Variants in CCDC174 observed in about 807,000 individuals in gnomAD.
CCDC174 encodes the protein coiled-coil domain containing 174, also known as coiled-coil domain-containing protein 174.
CCDC174 carries 37 observed loss-of-function variants against 57.1 expected under a neutral mutation model. The ratio of observed to expected loss-of-function variants is 0.65; its 90% CI spans 0.50 to 0.85. The LOEUF is 0.85. Ranked by LOEUF, CCDC174 falls within the 40% of genes least tolerant of loss-of-function variation. The pLI is 0.00. For synonymous variants in CCDC174, 182 were observed against 190.2 expected (o/e 0.96, Z 0.35); for missense variants, 540 against 574.3 (o/e 0.94, Z 0.61).
intron 9 of CCDC174, among the ~76,000 whole-genome samples, chr3:14,669,197 G>A (rs1306762568): frequency 1.3e-5 from 2 of 152,180 alleles, no homozygotes; most frequent in East Asian, 1.9e-4. Flanking sequence ...GGAGGAGTGT[G>A]GGTATGAAGG....
At chr3:14,658,578 A>G (rs1218000238) in intron 3 of CCDC174, among the ~76,000 whole-genome samples, 1 of 152,214 alleles carries the variant, frequency 6.6e-6, no homozygotes, top group Non-Finnish European at 1.5e-5. Context: ...TCATTCATCA[A>G]ATATTGATTG....
chr3:14,670,305 G>T (rs557327892), intron 10 of CCDC174, among the ~76,000 whole-genome samples: 3 of 152,300 alleles, frequency 2.0e-5, no homozygotes, highest in East Asian at 1.9e-4. Flanking sequence ...GTTGAAAATG[G>T]TCTACATGCC....
At position 14,667,597 on chromosome 3, in the gene CCDC174, A is replaced by G. The variant is rs1324464073; in HGVS notation, c.819+79A>G. ...GCTGGACCATACTGCAGAAAAATCT[A>G]GTAAATTAGTTAGAAATTAAAATTG... On this transcript the variant is annotated intron_variant, in intron 8 of 10. Transcript: ENST00000383794. 4.9e-6 allele frequency: 5 copies of G among 1,018,404 alleles called. No individual in the cohort carries two copies. The East Asian group carries it at 9.6e-5, about 20-fold the overall frequency. 63.1% of individuals were successfully genotyped at this position (1,018,404 alleles called of 1,614,324 possible).
chr3:14,655,182 G>A (rs1314538231), intron 2 of CCDC174, among the ~76,000 whole-genome samples: 3 of 152,036 alleles, frequency 2.0e-5, no homozygotes, highest in East Asian at 1.9e-4. Flanking sequence ...ATGGTGGTGC[G>A]CACCTGTATT....
At chr3:14,655,488 A>T in intron 2 of CCDC174, 41 bp from the exon 3 acceptor site, 1 of 1,330,434 alleles carries the variant, frequency 7.5e-7, no homozygotes, top group Non-Finnish European at 1.1e-6. Context: ...ATTTTTTGGC[A>T]ATCATGTGGT....
chr3:14,652,485 T>C (rs2030804899), intron 1 of CCDC174, among the ~76,000 whole-genome samples: 1 of 152,256 alleles, frequency 6.6e-6, no homozygotes, highest in African/African-American at 2.4e-5. Flanking sequence ...GCACTTTATA[T>C]GCACTATCTC....
At chr3:14,667,321 C>T (rs1163753571) in intron 7 of CCDC174, 103 bp from the exon 8 acceptor site, 2 of 870,490 alleles carry the variant, frequency 2.3e-6, no homozygotes, top group South Asian at 1.6e-5. Context: ...AAACTTGTGC[C>T]AAATATCACT....
At chr3:14,653,129 T>C (rs925661008) in intron 1 of CCDC174, among the ~76,000 whole-genome samples, 1 of 152,192 alleles carries the variant, frequency 6.6e-6, no homozygotes, top group Admixed American at 6.5e-5. Context: ...TTGGTTAAAA[T>C]TGGTACCAGT....
At chr3:14,664,056 A>G (rs1467524209) in intron 5 of CCDC174, among the ~76,000 whole-genome samples, 1 of 115,570 alleles carries the variant, frequency 8.7e-6, no homozygotes, top group South Asian at 2.3e-4. Flanking sequence ...TTTGGGGGGA[A>G]AAAAAGGAAG....
chr3:14,664,478 G>T (rs1334349807), intron 5 of CCDC174, among the ~76,000 whole-genome samples: 1 of 152,216 alleles, frequency 6.6e-6, no homozygotes, highest in Non-Finnish European at 1.5e-5. Context: ...GAGCAAAGAT[G>T]AGGAGAGAGG....
At chr3:14,670,270 T>A (rs1049526939) in intron 10 of CCDC174, among the ~76,000 whole-genome samples, 184 bp downstream of exon 10, 2 of 152,234 alleles carry the variant, frequency 1.3e-5, no homozygotes, top group African/African-American at 4.8e-5. Flanking sequence ...ATATGCTCTG[T>A]TTTTAGCAGC....
chr3:14,662,684 G>T (rs2124840618), intron 5 of CCDC174, among the ~76,000 whole-genome samples: 1 of 152,246 alleles, frequency 6.6e-6, no homozygotes, highest in East Asian at 1.9e-4. Flanking sequence ...TCCTTTCAAG[G>T]CTCAAATGTC....
chr3:14,656,596 T>C (rs2030968222), intron 3 of CCDC174, among the ~76,000 whole-genome samples: 1 of 152,222 alleles, frequency 6.6e-6, no homozygotes, highest in Non-Finnish European at 1.5e-5. Context: ...TATGCTTGGT[T>C]TCACCACTGT....
chr3:14,670,893 C>G lies in CCDC174; in HGVS notation c.1106-3C>G, dbSNP rs759072810. The G allele has an allele frequency of 1.3e-6, 2 of 1,583,198 alleles. No individual in the cohort carries two copies. The highest frequency in any genetic ancestry group is 1.8e-5 in the Admixed American group (1 of 55,058). The stretch of plus-strand genomic sequence containing the variant: ...TAATAACTTTCTTTCTTATTTTTAC[C>G]AGAATTTTCCTTTGGATACTGGTCG... On this transcript the variant is annotated splice_region_variant and splice_polypyrimidine_tract_variant and intron_variant, in intron 10 of 10. Transcript: ENST00000383794.
Position 14,658,750 on chromosome 3 carries a change from G to C in CCDC174, c.249-121G>C, listed in dbSNP as rs1204716546. 5 of 1,068,932 alleles carry C rather than the reference G, an allele frequency of 4.7e-6. No homozygotes were observed. In the African/African-American group the frequency reaches 8.0e-5, roughly 17 times the overall value. 66.2% of individuals were successfully genotyped at this position (1,068,932 alleles called of 1,614,324 possible). Reference sequence around the variant, plus strand: ...CAGGATGGTGTGGTCTGTGCTGGTTGTGGTTGTCTTGACAGGCTGGGCCTC... The same window carrying C: ...CAGGATGGTGTGGTCTGTGCTGGTTCTGGTTGTCTTGACAGGCTGGGCCTC... On this transcript the variant is annotated intron_variant, in intron 3 of 10. Coordinates refer to ENST00000383794, the MANE Select transcript of CCDC174 (RefSeq NM_016474.5).
Position 14,654,594 on chromosome 3 carries a change from G to A in CCDC174, c.147+64G>A. ...CATGGGAGAATTATACCATATTTAAGTGTTTTAAAATTGTCAGTGGTATCT... is the reference window on the plus strand; with the variant it reads ...CATGGGAGAATTATACCATATTTAAATGTTTTAAAATTGTCAGTGGTATCT... On this transcript the variant is annotated intron_variant, in intron 2 of 10. Coordinates refer to ENST00000383794, the MANE Select transcript of CCDC174 (RefSeq NM_016474.5). The A allele has an allele frequency of 2.7e-5, 22 of 810,106 alleles. 1 individual carries two copies. The South Asian group carries it at 3.5e-4, about 13-fold the overall frequency. 50.2% of individuals were successfully genotyped at this position (810,106 alleles called of 1,614,324 possible). A position where few individuals can be genotyped will look rare whatever the true frequency, so the allele number is the denominator to read the frequency against.
In CCDC174 at chr3:14,651,767, GGAGGTAGGCTTAC is replaced by G; in HGVS notation, c.-65_-53del. 6.6e-7 allele frequency: 1 copy of G among 1,518,136 alleles called. No individual in the cohort carries two copies. The highest frequency in any genetic ancestry group is 9.1e-7 in the Non-Finnish European group (1 of 1,094,140). The allele number at this position is 1,518,136 out of a possible 1,614,324, so 94.0% of individuals were successfully genotyped here. ...TGTCGAAGACACTTCCGGTTGCGAC[GGAGGTAGGCTTAC>G]GAGGCCTGTGTCGGGTAGAAAGGGT... On this transcript the variant is annotated 5_prime_UTR_variant, in exon 1 of 11. Transcript: ENST00000383794.
intron 1 of CCDC174, among the ~76,000 whole-genome samples, chr3:14,653,197 A>G (rs1320791333): frequency 1.3e-5 from 2 of 152,250 alleles, no homozygotes; most frequent in Non-Finnish European, 2.9e-5. Flanking sequence ...GCCAACCTAT[A>G]CTGACAGGTT....
At chr3:14,655,718 C>T (rs2030937466) in intron 3 of CCDC174, 89 bp downstream of exon 3, 6 of 760,678 alleles carry the variant, frequency 7.9e-6, no homozygotes, top group Admixed American at 2.9e-5. Flanking sequence ...TTTTGATTTA[C>T]AAATTTTATT....
Sources: allele counts gnomAD v4.1 joint callset (sites outside exome capture counted in the v4.1 genomes callset), GRCh38; gene constraint gnomAD v4.1.1; transcripts MANE v1.5; gene names NCBI Gene and HGNC (gene_info 2026-07-23, HGNC 2026-07-21).